ZNF280C: variants seen among roughly 807,000 people sequenced by gnomAD.
ZNF280C encodes the protein suppressor of hairy wing homolog 3.
In ZNF280C, 14 loss-of-function variants were observed where a neutral mutation model predicts 53.6. The observed-to-expected ratio is 0.26, with a 90% CI of 0.17 to 0.41. The LOEUF (loss-of-function observed/expected upper bound fraction) is 0.41, where lower values mean the gene tolerates loss of function less well. Among genes scored for constraint, ZNF280C ranks in the 10% least tolerant of loss-of-function variants. The pLI, the probability that ZNF280C is intolerant of heterozygous loss-of-function variation, is 1.00. For synonymous variants in ZNF280C, 203 were observed against 181.1 expected (o/e 1.12, Z -0.97); for missense variants, 416 against 547.1 (o/e 0.76, Z 2.39).
At chrX:130,256,400 T>C (rs1447340727) in intron 2 of ZNF280C, among the ~76,000 whole-genome samples, 4 of 111,802 alleles carry the variant, frequency 3.6e-5, no homozygotes, top group Non-Finnish European at 5.6e-5. Context: ...CCTGACAAGT[T>C]TCAGTGCAGG....
chrX:130,220,306 T>A, intron 13 of ZNF280C, 43 bp downstream of exon 13: 1 of 1,074,780 alleles, frequency 9.3e-7, no homozygotes, highest in Non-Finnish European at 1.2e-6. Flanking sequence ...AAAAAATTAA[T>A]AGAATGTGCA....
At chrX:130,216,148 A>G in intron 13 of ZNF280C, 47 bp from the exon 14 acceptor site, 3 of 1,038,440 alleles carry the variant, frequency 2.9e-6, no homozygotes, top group African/African-American at 1.9e-5. Context: ...TAACCATCGC[A>G]TTAGTATTAA....
At chrX:130,220,558 A>C in intron 12 of ZNF280C, 78 bp from the exon 13 acceptor site, 1 of 962,892 alleles carries the variant, frequency 1.0e-6, no homozygotes, top group South Asian at 3.2e-5. Flanking sequence ...TAATTCTAAA[A>C]TCTAAATAAA....
Position 130,205,169 on chromosome X carries a change from T to C in ZNF280C, c.2162-16A>G, listed in dbSNP as rs2031958814. ...CTTTTGGAAACTGAAATCAAAAGAGTTTTACATTTACAATAGCATATATGA... is the reference window on the plus strand; with the variant it reads ...CTTTTGGAAACTGAAATCAAAAGAGCTTTACATTTACAATAGCATATATGA... On this transcript the variant is annotated splice_polypyrimidine_tract_variant and intron_variant, in intron 17 of 18. Transcript: ENST00000370978. The C allele has an allele frequency of 1.7e-6, 2 of 1,190,387 alleles. No homozygotes were observed. Among genetic ancestry groups the C allele is most frequent in the African/African-American group, 3.5e-5 (2 of 56,854 alleles).
intron 2 of ZNF280C, among the ~76,000 whole-genome samples, chrX:130,254,256 A>T (rs182820649): frequency 1.5e-4 from 17 of 112,115 alleles, no homozygotes; most frequent in Admixed American, 8.5e-4. Flanking sequence ...TCAAAAAAAT[A>T]ACAGATGCTG....
rs1442724881 is a variant in ZNF280C at position 130,204,625 on chromosome X, T to C, written c.*352A>G. The stretch of plus-strand genomic sequence containing the variant: ...GTTATCTGACCTAAACATGTAAGAC[T>C]TATAAGAAATTAAGAAAGCAGACAA... On this transcript the variant is annotated 3_prime_UTR_variant, in exon 19 of 19. Coordinates refer to ENST00000370978, the MANE Select transcript of ZNF280C (RefSeq NM_017666.5). 5.8e-6 allele frequency: 1 copy of C among 172,296 alleles called. No homozygotes were observed. Among genetic ancestry groups the C allele is most frequent in the African/African-American group, 3.0e-5 (1 of 33,150 alleles). The allele number at this position is 172,296 out of a possible 1,213,427, so 14.2% of individuals were successfully genotyped here. A position where few individuals can be genotyped will look rare whatever the true frequency, so the allele number is the denominator to read the frequency against.
intron 15 of ZNF280C, among the ~76,000 whole-genome samples, chrX:130,214,442 C>T (rs2032077414): frequency 9.0e-6 from 1 of 111,133 alleles, no homozygotes; most frequent in African/African-American, 3.3e-5. Context: ...GAGACAGAGA[C>T]AGGATAATGT....
chrX:130,207,099 T>C (rs2031984180), intron 16 of ZNF280C, among the ~76,000 whole-genome samples: 2 of 111,326 alleles, frequency 1.8e-5, no homozygotes, highest in African/African-American at 6.5e-5. Flanking sequence ...TATGATGTGA[T>C]ACCACCCCAC....
At chrX:130,208,258 T>G (rs897945196) in intron 16 of ZNF280C, among the ~76,000 whole-genome samples, 1 of 111,195 alleles carries the variant, frequency 9.0e-6, no homozygotes, top group African/African-American at 3.3e-5. Flanking sequence ...GCCTCCTGAG[T>G]AGCTGGGATG....
intron 8 of ZNF280C, among the ~76,000 whole-genome samples, chrX:130,235,263 C>T (rs899769098): frequency 4.4e-5 from 5 of 112,425 alleles, no homozygotes; most frequent in East Asian, 5.5e-4. Flanking sequence ...CCTGTAATCC[C>T]GGCACTTTGT....
In ZNF280C at chrX:130,229,008, A is replaced by T. The variant is rs747156704; in HGVS notation, c.1116T>A (p.Ile372=). The change falls in exon 10 of 19, where the codon ATT becomes ATA. Residue 372 remains isoleucine, a synonymous_variant. Coordinates refer to ENST00000370978, the MANE Select transcript of ZNF280C (RefSeq NM_017666.5). ...YPTPFQLQCH[I]ESTHTPHEFS... is the part of the protein sequence containing the mutation. Reference sequence around the variant, plus strand: ...ACTCATGGGGAGTGTGTGTACTCTCAATGTGGCACTGCAGTTGGAAGGGTG... The same window carrying T: ...ACTCATGGGGAGTGTGTGTACTCTCTATGTGGCACTGCAGTTGGAAGGGTG... 3.3e-6 allele frequency: 4 copies of T among 1,204,752 alleles called. No homozygotes were observed. The highest frequency in any genetic ancestry group is 3.4e-6 in the Non-Finnish European group (3 of 892,565).
At chrX:130,261,068 C>T (rs190270375) in intron 1 of ZNF280C, among the ~76,000 whole-genome samples, 1 of 111,709 alleles carries the variant, frequency 9.0e-6, no homozygotes, top group East Asian at 2.8e-4. Flanking sequence ...GGATAAATTG[C>T]GTAGTAAAAC....
chrX:130,227,530 C>A, intron 11 of ZNF280C, 152 bp downstream of exon 11: 1 of 473,024 alleles, frequency 2.1e-6, no homozygotes, highest in Non-Finnish European at 3.7e-6. Flanking sequence ...TGAGTTAAAC[C>A]CAAGGGGGTT....
chrX:130,265,776 A>G (rs1469630338), intron 1 of ZNF280C, among the ~76,000 whole-genome samples: 1 of 112,561 alleles, frequency 8.9e-6, no homozygotes, highest in African/African-American at 3.2e-5. Flanking sequence ...AAATAAAGCA[A>G]GTGAAATATT....
chrX:130,211,020 C>T (rs1488334201), intron 15 of ZNF280C, among the ~76,000 whole-genome samples: 1 of 112,313 alleles, frequency 8.9e-6, no homozygotes, highest in African/African-American at 3.2e-5. Flanking sequence ...AGCACTAGCC[C>T]TATCTTGCAC....
At chrX:130,241,373 G>A (rs765025645) in intron 5 of ZNF280C, among the ~76,000 whole-genome samples, 5 of 112,225 alleles carry the variant, frequency 4.5e-5, no homozygotes, top group Non-Finnish European at 7.5e-5. Context: ...AAATGTCTAC[G>A]ACAATAGTTT....
chrX:130,255,150 T>TC (rs1425056985), intron 2 of ZNF280C, among the ~76,000 whole-genome samples: 1 of 100,678 alleles, frequency 9.9e-6, no homozygotes, highest in African/African-American at 3.6e-5. Context: ...TCTTTTTTTT[T>TC]TTTTTTTTGA....
At chrX:130,248,437 A>G (rs772949963) in intron 2 of ZNF280C, among the ~76,000 whole-genome samples, 2 of 110,862 alleles carry the variant, frequency 1.8e-5, no homozygotes, top group East Asian at 5.7e-4. Context: ...AGAGCTGCTT[A>G]GAGAAGTGGT....
chrX:130,259,529 G>A (rs1218671406), intron 2 of ZNF280C, among the ~76,000 whole-genome samples: 4 of 112,267 alleles, frequency 3.6e-5, no homozygotes, highest in African/African-American at 9.7e-5. Context: ...TATATAGTAT[G>A]ATCTTATTTA....
Sources: gnomAD v4.1 joint callset for allele counts (sites outside exome capture counted in the v4.1 genomes callset) on GRCh38, gnomAD v4.1.1 for gene constraint, MANE v1.5 for transcripts, NCBI Gene and HGNC (gene_info 2026-07-23, HGNC 2026-07-21) for gene names.